Variants in KIF18B observed in about 807,000 individuals in gnomAD.
The protein encoded by KIF18B is kinesin-like protein KIF18B.
Under a neutral mutation model 80.9 loss-of-function variants are expected in KIF18B, and 49 were observed. That is an observed-to-expected ratio of 0.61 (90% CI 0.48 to 0.77). The LOEUF is 0.77. Ranked by LOEUF, KIF18B falls within the 30% of genes least tolerant of loss-of-function variation. KIF18B has a pLI of 0.00. For missense variants in KIF18B, 994 were observed against 1,127.7 expected (o/e 0.88, Z 1.70); for synonymous variants, 439 against 463.9 (o/e 0.95, Z 0.69).
At chr17:44,929,589 CTGAA>C (rs1264572316) in intron 11 of KIF18B, among the ~76,000 whole-genome samples, 1 of 152,192 alleles carries the variant, frequency 6.6e-6, no homozygotes, top group Non-Finnish European at 1.5e-5. Context: ...ATTGGAAAGA[CTGAA>C]TGAGTTACTT....
intron 1 of KIF18B, among the ~76,000 whole-genome samples, chr17:44,947,136 A>AAAAAAAAAAAAAC (rs2052526857): frequency 6.9e-6 from 1 of 145,528 alleles, no homozygotes. Flanking sequence ...AAAAAAAAAA[A>AAAAAAAAAAAAAC]AAAAAATTTT....
At position 44,936,014 on chromosome 17, in the gene KIF18B, C is replaced by G; in HGVS notation, c.313+18G>C. 1 of 1,609,510 alleles carries G rather than the reference C, an allele frequency of 6.2e-7. No individual in the cohort carries two copies. Reference sequence around the variant, plus strand: ...GCAGGGAGGCCAGGCCACTGCCAGGCAGGGCTGAGGTTCTCACCTGAGCAG... The same window carrying G: ...GCAGGGAGGCCAGGCCACTGCCAGGGAGGGCTGAGGTTCTCACCTGAGCAG... On this transcript the variant is annotated intron_variant, in intron 2 of 15. Transcript: ENST00000593135.
At chr17:44,926,760 G>C (rs1287219415) in intron 14 of KIF18B, among the ~76,000 whole-genome samples, 1 of 152,128 alleles carries the variant, frequency 6.6e-6, no homozygotes, top group African/African-American at 2.4e-5. Flanking sequence ...TGGATAAATG[G>C]GTGCTGAGAG....
intron 9 of KIF18B, 56 bp downstream of exon 9, chr17:44,932,617 G>A: frequency 1.1e-6 from 1 of 927,394 alleles, no homozygotes; most frequent in Non-Finnish European, 1.8e-6. Flanking sequence ...AGAGGGCCTG[G>A]CTCCCCATCC....
intron 1 of KIF18B, among the ~76,000 whole-genome samples, chr17:44,944,751 C>T (rs559369129): frequency 1.6e-4 from 25 of 152,280 alleles, no homozygotes; most frequent in African/African-American, 5.8e-4. Context: ...AATTGAATTC[C>T]TCAATGGAAT....
In KIF18B at chr17:44,926,958, TC is replaced by T. The variant is rs756148858; in HGVS notation, c.2366+30del. 6 of 1,573,764 alleles carry T rather than the reference TC, an allele frequency of 3.8e-6. No homozygotes were observed. The African/African-American group carries it at 8.1e-5, about 21-fold the overall frequency. Reference sequence around the variant, plus strand: ...TGCCCTGGTGAGAGCGAGCTCCTTCTCCCAGACAGCTGACACCTCCCAAACC... The same window carrying T: ...TGCCCTGGTGAGAGCGAGCTCCTTCTCCAGACAGCTGACACCTCCCAAACC... On this transcript the variant is annotated intron_variant, in intron 14 of 15. Transcript: ENST00000593135.
At chr17:44,937,602 A>G (rs1391744749) in intron 1 of KIF18B, among the ~76,000 whole-genome samples, 7 of 152,204 alleles carry the variant, frequency 4.6e-5, no homozygotes, top group African/African-American at 1.4e-4. Flanking sequence ...TATTCACACG[A>G]TATCTACCAT....
rs376781878 is a variant in KIF18B at position 44,931,725 on chromosome 17, G to A, written c.1394C>T (p.Pro465Leu). ...DEDEGPAEEV[P>L]TQMPEQNPTH... Reference sequence around the variant, plus strand: ...GGGGTTCTGCTCTGGCATCTGGGTTGGAACCTAAAGAGGAAGGAAAAGGCA... The same window carrying A: ...GGGGTTCTGCTCTGGCATCTGGGTTAGAACCTAAAGAGGAAGGAAAAGGCA... Residue 465 changes from proline to leucine, a missense_variant, in exon 11 of 16, where the codon CCA becomes CTA. Transcript: ENST00000593135. 37 of 1,613,770 alleles carry A rather than the reference G, an allele frequency of 2.3e-5. No individual in the cohort carries two copies. The highest frequency in any genetic ancestry group is 3.0e-5 in the Non-Finnish European group (35 of 1,179,872).
At chr17:44,935,178 C>T in intron 3 of KIF18B, 81 bp downstream of exon 3, 2 of 1,417,582 alleles carry the variant, frequency 1.4e-6, no homozygotes, top group Non-Finnish European at 1.9e-6. Context: ...CCACCCTGTC[C>T]CACACCAGCT....
intron 3 of KIF18B, 58 bp downstream of exon 3, chr17:44,935,201 T>C (rs1266891760): frequency 3.3e-6 from 5 of 1,502,384 alleles, no homozygotes; most frequent in East Asian, 2.3e-5. Context: ...CTCCACCCCA[T>C]GGGCTCACTT....
intron 1 of KIF18B, among the ~76,000 whole-genome samples, chr17:44,936,580 C>A (rs2052301014): frequency 1.8e-5 from 1 of 56,232 alleles, no homozygotes; most frequent in Non-Finnish European, 3.7e-5. Context: ...CTCTCTCTCT[C>A]TCTCTCTCTC....
intron 2 of KIF18B, 127 bp from the exon 3 acceptor site, chr17:44,935,543 C>A (rs2052270806): frequency 2.1e-6 from 2 of 957,390 alleles, no homozygotes; most frequent in African/African-American, 3.3e-5. Flanking sequence ...CTAATCACAC[C>A]CTCCATGTTC....
intron 12 of KIF18B, 57 bp downstream of exon 12, chr17:44,928,762 T>C: frequency 6.4e-7 from 1 of 1,557,908 alleles, no homozygotes; most frequent in Non-Finnish European, 8.8e-7. Flanking sequence ...TTGGCCCCAG[T>C]GGGGCCTTGA....
At chr17:44,944,983 T>G (rs1044892366) in intron 1 of KIF18B, among the ~76,000 whole-genome samples, 2 of 152,238 alleles carry the variant, frequency 1.3e-5, no homozygotes, top group Non-Finnish European at 2.9e-5. Context: ...TTTTTAAAAT[T>G]ATTATTCTTT....
rs201643239 is a variant in KIF18B at position 44,928,501 on chromosome 17, T to C, written c.1801A>G (p.Ser601Gly). 1.0e-3 allele frequency: 1,561 copies of C among 1,497,926 alleles called. 2 individuals are homozygous for C. Among genetic ancestry groups the C allele is most frequent in the Non-Finnish European group, 1.3e-3 (1,456 of 1,128,972 alleles). 92.8% of individuals were successfully genotyped at this position (1,497,926 alleles called of 1,614,324 possible). ...ATTCCCAGGGTGTGCAGGGGGCCAC[T>C]CAGTCGCCTCGCCATAGTCCGGGTC... is the stretch of plus-strand genomic sequence containing the variant. ...PVTRTMARRL[S>G]GPLHTLGIPP... Residue 601 changes from serine to glycine, a missense_variant, in exon 13 of 16, where the codon AGT (serine) becomes GGT (glycine). Transcript: ENST00000593135.
At position 44,934,157 on chromosome 17, in the gene KIF18B, G is replaced by T; in HGVS notation, c.886-58C>A. 6.3e-7 allele frequency: 1 copy of T among 1,598,712 alleles called. No individual in the cohort carries two copies. The highest frequency in any genetic ancestry group is 2.2e-5 in the East Asian group (1 of 44,512). ...GACTGATGGCACTGACCCAGGATGGGGCCCTGTGGCCTTTGGCCCTGGGTT... is the reference window on the plus strand; with the variant it reads ...GACTGATGGCACTGACCCAGGATGGTGCCCTGTGGCCTTTGGCCCTGGGTT... On this transcript the variant is annotated intron_variant, in intron 6 of 15. Transcript: ENST00000593135. This position sits in a 1 kb window ranked among gnomAD's most constrained non-coding sequence, Gnocchi z 5.4.
chr17:44,926,309 C>T (rs940008066), intron 15 of KIF18B, 105 bp downstream of exon 15: 16 of 1,561,208 alleles, frequency 1.0e-5, no homozygotes, highest in Non-Finnish European at 1.4e-5. Context: ...CTTGGCAATA[C>T]CCTAGGCCCT....
rs750401786 is a variant in KIF18B, at chr17:44,935,372, G to A, written c.358C>T (p.Leu120=). ...ATGCCGGGGTCCCCCTCCCTTCCCA[G>A]CATGGTGTGTGTCTTCCCAGCCCCG... ...ATGAGKTHTM[L]GREGDPGIMY... is the part of the protein sequence containing the mutation. The change falls in exon 3 of 16, where the codon CTG becomes TTG. Residue 120 remains leucine (L), a synonymous_variant. Transcript: ENST00000593135. 9 of 1,613,184 alleles carry A rather than the reference G, an allele frequency of 5.6e-6. No individual in the cohort carries two copies. The highest frequency in any genetic ancestry group is 1.1e-5 in the South Asian group (1 of 90,876).
intron 11 of KIF18B, among the ~76,000 whole-genome samples, chr17:44,930,479 C>T (rs2052122555): frequency 1.3e-5 from 2 of 152,174 alleles, no homozygotes; most frequent in African/African-American, 2.4e-5. Flanking sequence ...ACTGGAAAAT[C>T]TAAGATCTAC....
Sources: gnomAD v4.1 joint callset for allele counts (sites outside exome capture counted in the v4.1 genomes callset) on GRCh38, gnomAD v4.1.1 for gene constraint, Gnocchi (gnomAD v3.1) non-coding constraint, MANE v1.5 for transcripts, NCBI Gene and HGNC (gene_info 2026-07-23, HGNC 2026-07-21) for gene names.